The following AUTS2 variants were observed in gnomAD, a reference collection of about 807,000 sequenced individuals.
AUTS2 encodes autism susceptibility gene 2 protein.
A neutral mutation model predicts 112.4 loss-of-function variants in AUTS2; 17 were observed. The observed-to-expected ratio is 0.15, with a 90% confidence interval of 0.10 to 0.23. The LOEUF is 0.23. AUTS2 is among the 10% of genes least tolerant of loss of function. The pLI, the probability that AUTS2 is intolerant of heterozygous loss-of-function variation, is 1.00. For missense variants in AUTS2, 1,510 were observed against 1,701.6 expected (o/e 0.89, Z 1.98); for synonymous variants, 751 against 702.7 (o/e 1.07, Z -1.09).
chr7:70,715,507 TTTTTCTTTTCTTTTCTTTTC>T (rs138855602), intron 6 of AUTS2, among the ~76,000 whole-genome samples: 26 of 145,430 alleles, frequency 1.8e-4, no homozygotes, highest in African/African-American at 5.1e-4. Context: ...TGCCTGTCTT[TTTTTCTTTTCTTTTCTTTTC>T]TTTTCTTTTC....
intron 5 of AUTS2, among the ~76,000 whole-genome samples, chr7:70,528,555 A>G (rs1799950008): frequency 6.6e-6 from 1 of 152,202 alleles, no homozygotes; most frequent in African/African-American, 2.4e-5. Flanking sequence ...GAAGACATCT[A>G]TAAAATAAGT....
chr7:70,696,224 T>TTGGCAAAGAATCTCTCTTCTGAC (rs1809090229), intron 5 of AUTS2, among the ~76,000 whole-genome samples: 1 of 152,146 alleles, frequency 6.6e-6, no homozygotes, highest in African/African-American at 2.4e-5. Context: ...CCTGAAGATT[T>TTGGCAAAGAATCTCTCTTCTGAC]TGGCAAAGAA....
chr7:70,370,910 T>C (rs1381967164), intron 4 of AUTS2, among the ~76,000 whole-genome samples: 1 of 152,138 alleles, frequency 6.6e-6, no homozygotes, highest in Admixed American at 6.6e-5. Context: ...TTAGTCTGCA[T>C]TTCCATGATC....
At chr7:69,825,036 A>G (rs1791178649) in intron 1 of AUTS2, among the ~76,000 whole-genome samples, 1 of 152,208 alleles carries the variant, frequency 6.6e-6, no homozygotes, top group African/African-American at 2.4e-5. Context: ...CATTTTTGCT[A>G]ACATATTTCC....
At chr7:69,952,849 A>G (rs1797078377) in intron 2 of AUTS2, among the ~76,000 whole-genome samples, 1 of 152,238 alleles carries the variant, frequency 6.6e-6, no homozygotes, top group Admixed American at 6.5e-5. Context: ...ATATTAACAC[A>G]AAAATGAAAG....
Position 70,793,416 on chromosome 7 carries a change from T to C in AUTS2, c.*2420T>C, listed in dbSNP as rs528524676. 2 of 152,276 alleles carry C rather than the reference T, an allele frequency of 1.3e-5. No homozygotes were observed. The highest frequency in any genetic ancestry group is 6.5e-5 in the Admixed American group (1 of 15,292). The allele number at this position is 152,276 out of a possible 1,614,324, so 9.4% of individuals were successfully genotyped here. On this transcript the variant is annotated 3_prime_UTR_variant, in exon 19 of 19. Coordinates refer to ENST00000342771, the MANE Select transcript of AUTS2 (RefSeq NM_015570.4). ...ATTACGTGGTGTAGTCCTCATCAGT[T>C]TGCAGTCTCCCTGTCCTCTAAAATC...
chr7:70,635,393 C>A (rs1478094322), intron 5 of AUTS2, among the ~76,000 whole-genome samples: 6 of 152,160 alleles, frequency 3.9e-5, no homozygotes, highest in African/African-American at 1.4e-4. Context: ...AATTGTGCTG[C>A]CTTTTAGTGG....
intron 2 of AUTS2, among the ~76,000 whole-genome samples, chr7:70,090,690 T>C (rs1408651597): frequency 6.6e-6 from 1 of 151,780 alleles, no homozygotes; most frequent in Non-Finnish European, 1.5e-5. Context: ...TCTGTCTTTT[T>C]TTTTTTTTTT....
At chr7:70,523,508 C>T (rs1404996653) in intron 5 of AUTS2, among the ~76,000 whole-genome samples, 3 of 152,162 alleles carry the variant, frequency 2.0e-5, no homozygotes, top group Non-Finnish European at 4.4e-5. Context: ...AATTGGACTC[C>T]TGCCTGAACA....
intron 4 of AUTS2, among the ~76,000 whole-genome samples, chr7:70,228,290 A>G (rs545131430): frequency 3.3e-5 from 5 of 151,206 alleles, no homozygotes; most frequent in African/African-American, 4.9e-5. Context: ...CTGTTTTTCA[A>G]TCTTTTTTAA....
chr7:70,514,509 A>G (rs188859390), intron 5 of AUTS2, among the ~76,000 whole-genome samples: 372 of 152,350 alleles, frequency 2.4e-3, no homozygotes, highest in African/African-American at 8.5e-3. Context: ...GTTCTTTGGA[A>G]CAGCCAGCTC....
intron 2 of AUTS2, among the ~76,000 whole-genome samples, chr7:70,023,597 C>T (rs1584594677): frequency 6.6e-6 from 1 of 152,154 alleles, no homozygotes; most frequent in South Asian, 2.1e-4. Flanking sequence ...AGAAGGGTGC[C>T]TGTAGTAAGG....
chr7:69,626,764 C>G (rs1793972360), intron 1 of AUTS2, among the ~76,000 whole-genome samples: 2 of 152,118 alleles, frequency 1.3e-5, no homozygotes, highest in South Asian at 4.1e-4. Context: ...AGGGCAGTTT[C>G]TTTTTTAAGT....
At chr7:70,175,738 A>G (rs914829939) in intron 4 of AUTS2, among the ~76,000 whole-genome samples, 1 of 152,194 alleles carries the variant, frequency 6.6e-6, no homozygotes, top group African/African-American at 2.4e-5. Context: ...TTGTTAGCAT[A>G]TTTTTAGCAA....
At chr7:69,714,465 G>A (rs1798503272) in intron 1 of AUTS2, among the ~76,000 whole-genome samples, 1 of 151,984 alleles carries the variant, frequency 6.6e-6, no homozygotes, top group African/African-American at 2.4e-5. Context: ...TGAAAAGACT[G>A]TCCTTTTCCA....
intron 1 of AUTS2, among the ~76,000 whole-genome samples, chr7:69,858,694 C>T (rs956887918): frequency 6.6e-6 from 1 of 152,106 alleles, no homozygotes; most frequent in African/African-American, 2.4e-5. Flanking sequence ...GGCAAGGAAG[C>T]CTTGGCAAAG....
At chr7:70,465,203 T>C (rs1797125557) in intron 5 of AUTS2, among the ~76,000 whole-genome samples, 1 of 152,164 alleles carries the variant, frequency 6.6e-6, no homozygotes, top group South Asian at 2.1e-4. Context: ...TGCCTCCCCT[T>C]ACTGAGCAGA....
intron 2 of AUTS2, among the ~76,000 whole-genome samples, chr7:70,012,555 C>T (rs751850056): frequency 6.6e-6 from 1 of 152,114 alleles, no homozygotes; most frequent in Non-Finnish European, 1.5e-5. Context: ...ACCTCATCTC[C>T]TGCTTCTTAT....
chr7:70,761,989 G>A (rs1158917640), intron 6 of AUTS2, among the ~76,000 whole-genome samples: 2 of 152,256 alleles, frequency 1.3e-5, no homozygotes, highest in East Asian at 3.9e-4. Context: ...CAGGTGACGG[G>A]CATTAAGAGA....
Sources: gnomAD v4.1 joint callset for allele counts (sites outside exome capture counted in the v4.1 genomes callset) on GRCh38, gnomAD v4.1.1 for gene constraint, MANE v1.5 for transcripts, NCBI Gene and HGNC (gene_info 2026-07-23, HGNC 2026-07-21) for gene names.